ANO2: variants seen among roughly 807,000 people sequenced by gnomAD.
ANO2 encodes anoctamin-2.
Under a neutral mutation model 124.2 loss-of-function variants are expected in ANO2, and 101 were observed. The observed-to-expected ratio is 0.81, with a 90% confidence interval of 0.69 to 0.96. The LOEUF is 0.96. Ranked by LOEUF, ANO2 falls within the 40% of genes least tolerant of loss-of-function variation. The probability of loss-of-function intolerance (pLI) is 0.00; values close to 1 mark genes in which losing one functional copy is unlikely to be tolerated. For missense variants in ANO2, 1,293 were observed against 1,274.5 expected (o/e 1.01, Z -0.22); for synonymous variants, 486 against 482.5 (o/e 1.01, Z -0.09).
intron 1 of ANO2, among the ~76,000 whole-genome samples, chr12:5,934,530 A>G (rs569291783): frequency 6.6e-6 from 1 of 152,340 alleles, no homozygotes; most frequent in African/African-American, 2.4e-5. Context: ...CAAAATTTAC[A>G]AATTGGGACT....
intron 20 of ANO2, among the ~76,000 whole-genome samples, chr12:5,597,325 C>T (rs1943712965): frequency 6.6e-6 from 1 of 152,104 alleles, no homozygotes. Flanking sequence ...GTTTAGCTCC[C>T]ACTTATAAGT....
chr12:5,710,441 G>A (rs1272213719), intron 14 of ANO2, among the ~76,000 whole-genome samples: 2 of 152,222 alleles, frequency 1.3e-5, no homozygotes, highest in South Asian at 2.1e-4. Flanking sequence ...TGATTTAATA[G>A]ATTGTTTCAT....
intron 14 of ANO2, among the ~76,000 whole-genome samples, chr12:5,682,151 C>T (rs1948519643): frequency 6.6e-6 from 1 of 152,184 alleles, no homozygotes; most frequent in Non-Finnish European, 1.5e-5. Context: ...TTCTATGCTT[C>T]CTATCCCACA....
intron 3 of ANO2, among the ~76,000 whole-genome samples, chr12:5,885,532 C>G (rs1938827693): frequency 6.6e-6 from 1 of 152,200 alleles, no homozygotes; most frequent in South Asian, 2.1e-4. Context: ...TCTCAATAAA[C>G]TCAACAAGTA....
chr12:5,766,807 T>C (rs891713731), intron 10 of ANO2, among the ~76,000 whole-genome samples: 1 of 152,208 alleles, frequency 6.6e-6, no homozygotes, highest in Non-Finnish European at 1.5e-5. Context: ...AGGTCAAGCA[T>C]ATGTAACACT....
At chr12:5,590,740 T>A (rs1226112361) in intron 20 of ANO2, among the ~76,000 whole-genome samples, 1 of 152,154 alleles carries the variant, frequency 6.6e-6, no homozygotes. Context: ...AGACCTAGCC[T>A]CTGCAGCAAG....
At chr12:5,579,340 G>A (rs2136844280) in intron 20 of ANO2, among the ~76,000 whole-genome samples, 1 of 152,304 alleles carries the variant, frequency 6.6e-6, no homozygotes, top group Non-Finnish European at 1.5e-5. Flanking sequence ...CAAATGGAGA[G>A]GAACGTACAT....
At chr12:5,688,667 A>G (rs1273869259) in intron 14 of ANO2, among the ~76,000 whole-genome samples, 1 of 152,146 alleles carries the variant, frequency 6.6e-6, no homozygotes. Flanking sequence ...GTTTAATCCA[A>G]ATTTGCCTAT....
At position 5,563,168 on chromosome 12, in the gene ANO2, T is replaced by A. The variant is rs1941530337; in HGVS notation, c.*131A>T. ...TGTCAGGCTCTTTCTTTTTACACAC[T>A]GCCCCCTCTTCAAGACCCCATCAAG... is the stretch of plus-strand genomic sequence containing the variant. On this transcript the variant is annotated 3_prime_UTR_variant, in exon 25 of 25. Coordinates refer to ENST00000682330, the MANE Select transcript of ANO2 (RefSeq NM_001364791.2). The A allele has an allele frequency of 8.3e-7, 1 of 1,205,556 alleles. No homozygotes were observed. Among genetic ancestry groups the A allele is most frequent in the African/African-American group, 1.5e-5 (1 of 65,288 alleles). 74.7% of individuals were successfully genotyped at this position (1,205,556 alleles called of 1,614,324 possible). A position where few individuals can be genotyped will look rare whatever the true frequency, so the allele number is the denominator to read the frequency against.
rs1942192856 is a variant in ANO2 at position 5,928,449 on chromosome 12, C to CTCCAGTCTACCTTCCTTCCTTA, written c.23-5646_23-5645insTAAGGAAGGAAGGTAGACTGGA. Among the ~76,000 whole-genome samples, 3 of 98,736 alleles carry CTCCAGTCTACCTTCCTTCCTTA rather than the reference C, an allele frequency of 3.0e-5. 1 individual carries two copies. Among genetic ancestry groups the CTCCAGTCTACCTTCCTTCCTTA allele is most frequent in the Non-Finnish European group, 2.4e-5 (1 of 41,448 alleles). 64.8% of individuals were successfully genotyped at this position (98,736 alleles called of 152,430 possible). On this transcript the variant is annotated intron_variant, in intron 1 of 24. Coordinates refer to ENST00000682330, the MANE Select transcript of ANO2 (RefSeq NM_001364791.2). ...TCCTCACTAGTCTACTTTCCTTCCT[C>CTCCAGTCTACCTTCCTTCCTTA]CGTAGTCTACTTTCCTTCGTCACTA...
At chr12:5,590,788 T>C (rs1394924064) in intron 20 of ANO2, among the ~76,000 whole-genome samples, 2 of 152,236 alleles carry the variant, frequency 1.3e-5, no homozygotes, top group African/African-American at 4.8e-5. Flanking sequence ...CAGTAGGTCC[T>C]TTCTTATAAC....
chr12:5,625,704 G>A (rs1945364874), intron 16 of ANO2, among the ~76,000 whole-genome samples: 1 of 152,114 alleles, frequency 6.6e-6, no homozygotes, highest in Non-Finnish European at 1.5e-5. Context: ...GCCTGGAGGA[G>A]TCAGCACCTC....
chr12:5,843,660 AAGG>A (rs879291217), intron 4 of ANO2, among the ~76,000 whole-genome samples: 10,544 of 152,252 alleles, frequency 0.069, 544 homozygotes, highest in African/African-American at 0.15. Context: ...CCGATAAAGG[AAGG>A]AGTTGGTCAG....
chr12:5,930,958 C>G (rs905545906), intron 1 of ANO2, among the ~76,000 whole-genome samples: 3 of 152,096 alleles, frequency 2.0e-5, no homozygotes, highest in African/African-American at 7.2e-5. Context: ...ATGCACATGC[C>G]CCCCTTTCCT....
rs1253108658 is a variant in ANO2, at chr12:5,873,244, T to TCTCTCC, written c.535-19104_535-19103insGGAGAG. On this transcript the variant is annotated intron_variant, in intron 3 of 24. Coordinates refer to ENST00000682330, the MANE Select transcript of ANO2 (RefSeq NM_001364791.2). The stretch of plus-strand genomic sequence containing the variant: ...CTCTCTCTCTCTCTCTCTCTCTCTC[T>TCTCTCC]CTGTCTGTCTCTCTCCCTTTCTCTC... Among the ~76,000 whole-genome samples, 360 of 141,782 alleles carry TCTCTCC rather than the reference T, an allele frequency of 2.5e-3. 9 individuals carry two copies. Among genetic ancestry groups the TCTCTCC allele is most frequent in the African/African-American group, 9.8e-3 (336 of 34,190 alleles). 93.0% of individuals were successfully genotyped at this position (141,782 alleles called of 152,430 possible). A position where few individuals can be genotyped will look rare whatever the true frequency, so the allele number is the denominator to read the frequency against.
intron 4 of ANO2, among the ~76,000 whole-genome samples, chr12:5,845,230 A>C (rs1332428346): frequency 6.6e-6 from 1 of 151,502 alleles, no homozygotes; most frequent in Non-Finnish European, 1.5e-5. Context: ...GTACCACTGC[A>C]CTCCAGCCTG....
At chr12:5,935,713 C>A (rs140374321) in intron 1 of ANO2, among the ~76,000 whole-genome samples, 39 of 152,308 alleles carry the variant, frequency 2.6e-4, no homozygotes, top group African/African-American at 5.1e-4. Context: ...GATTCCGCAA[C>A]TGGAAAAAGA....
chr12:5,606,176 G>C (rs1296533314), intron 19 of ANO2, among the ~76,000 whole-genome samples: 1 of 152,162 alleles, frequency 6.6e-6, no homozygotes, highest in Non-Finnish European at 1.5e-5. Flanking sequence ...CAGAGAGTGG[G>C]GCTTCCACAG....
chr12:5,920,107 G>A (rs956193238), intron 3 of ANO2, among the ~76,000 whole-genome samples: 1 of 152,048 alleles, frequency 6.6e-6, no homozygotes, highest in African/African-American at 2.4e-5. Flanking sequence ...ATGGGTGGGT[G>A]GACAGATGGG....
Sources: gnomAD v4.1 joint callset for allele counts (sites outside exome capture counted in the v4.1 genomes callset) on GRCh38, gnomAD v4.1.1 for gene constraint, MANE v1.5 for transcripts, NCBI Gene and HGNC (gene_info 2026-07-23, HGNC 2026-07-21) for gene names.